Variants in PHLDB2 observed in about 807,000 individuals in gnomAD.
The protein encoded by PHLDB2 is pleckstrin homology-like domain family B member 2.
PHLDB2 carries 71 observed loss-of-function variants against 123.6 expected under a neutral mutation model. The ratio of observed to expected loss-of-function variants is 0.57; its 90% CI spans 0.47 to 0.70. PHLDB2 has a LOEUF of 0.70. Among genes scored for constraint, PHLDB2 ranks in the 30% least tolerant of loss-of-function variants. PHLDB2 has a pLI of 0.00. For missense variants in PHLDB2, 1,446 were observed against 1,519.5 expected (o/e 0.95, Z 0.80); for synonymous variants, 547 against 541.6 (o/e 1.01, Z -0.14).
chr3:111,966,524 T>TGG (rs766446456), intron 13 of PHLDB2, 89 bp from the exon 14 acceptor site: 51,399 of 497,180 alleles, frequency 0.1, 1,735 homozygotes, highest in South Asian at 0.22. Flanking sequence ...TGTGTGTGTC[T>TGG]GGGGTGTGTG....
At chr3:111,828,615 C>A (rs768632186) in intron 1 of PHLDB2, among the ~76,000 whole-genome samples, 44 of 152,118 alleles carry the variant, frequency 2.9e-4, no homozygotes, top group Non-Finnish European at 5.6e-4. Flanking sequence ...CACAGGGAGA[C>A]CCTGTCTCTA....
chr3:111,812,238 TG>T (rs1171187064), intron 1 of PHLDB2, among the ~76,000 whole-genome samples: 1 of 152,228 alleles, frequency 6.6e-6, no homozygotes, highest in Non-Finnish European at 1.5e-5. Context: ...GCCATCTTTC[TG>T]TGATCACCAT....
intron 1 of PHLDB2, among the ~76,000 whole-genome samples, chr3:111,751,737 T>TGGTGCAGC (rs1475425524): frequency 1.3e-5 from 2 of 151,622 alleles, no homozygotes; most frequent in African/African-American, 2.4e-5. Context: ...TACCTAATGC[T>TGGTGCAGC]AAATGACGAG....
intron 1 of PHLDB2, among the ~76,000 whole-genome samples, chr3:111,759,788 G>A (rs1035387805): frequency 4.6e-5 from 7 of 152,202 alleles, no homozygotes; most frequent in African/African-American, 1.7e-4. Context: ...CAGCTTACAA[G>A]AGATGACGTC....
intron 9 of PHLDB2, among the ~76,000 whole-genome samples, chr3:111,946,264 T>C (rs909015233): frequency 6.6e-6 from 1 of 152,190 alleles, no homozygotes; most frequent in Non-Finnish European, 1.5e-5. Flanking sequence ...TCAGGTGATC[T>C]GCCTGCCTTG....
intron 16 of PHLDB2, among the ~76,000 whole-genome samples, chr3:111,971,950 T>C (rs1258979222): frequency 6.6e-6 from 1 of 152,224 alleles, no homozygotes; most frequent in Non-Finnish European, 1.5e-5. Context: ...GGCATAATAC[T>C]GAGAGAGACA....
chr3:111,903,137 G>A (rs1409460459), intron 2 of PHLDB2, among the ~76,000 whole-genome samples: 3 of 152,178 alleles, frequency 2.0e-5, no homozygotes, highest in Non-Finnish European at 2.9e-5. Flanking sequence ...GAGTAAGGCA[G>A]GATATGAGAA....
intron 1 of PHLDB2, among the ~76,000 whole-genome samples, chr3:111,757,477 A>C (rs2059914309): frequency 6.6e-6 from 1 of 152,116 alleles, no homozygotes; most frequent in Non-Finnish European, 1.5e-5. Context: ...CATTTGTCTA[A>C]ATTTTTTTCA....
At chr3:111,789,320 T>C (rs1296665204) in intron 1 of PHLDB2, among the ~76,000 whole-genome samples, 1 of 152,234 alleles carries the variant, frequency 6.6e-6, no homozygotes, top group Non-Finnish European at 1.5e-5. Context: ...ATATGCTCTC[T>C]ATGGGAACTA....
intron 1 of PHLDB2, among the ~76,000 whole-genome samples, chr3:111,796,945 T>C (rs2061185043): frequency 6.6e-6 from 1 of 152,236 alleles, no homozygotes; most frequent in Admixed American, 6.5e-5. Flanking sequence ...TCCCTATTGC[T>C]CTTCTCTAGG....
intron 1 of PHLDB2, among the ~76,000 whole-genome samples, chr3:111,825,603 A>G (rs1239653856): frequency 6.6e-6 from 1 of 152,172 alleles, no homozygotes; most frequent in East Asian, 1.9e-4. Context: ...GTGCACCACC[A>G]TGTCTGGCTA....
intron 16 of PHLDB2, among the ~76,000 whole-genome samples, chr3:111,970,653 T>C (rs1009902875): frequency 3.3e-5 from 5 of 152,214 alleles, no homozygotes; most frequent in African/African-American, 7.2e-5. Flanking sequence ...GGCATACTTA[T>C]TAAGAACCTC....
chr3:111,762,507 T>G (rs2060012143), intron 1 of PHLDB2, among the ~76,000 whole-genome samples: 1 of 152,214 alleles, frequency 6.6e-6, no homozygotes, highest in African/African-American at 2.4e-5. Flanking sequence ...TCTGAAGTTA[T>G]GCCTTGTGAT....
At chr3:111,900,041 C>T (rs2107439410) in intron 2 of PHLDB2, among the ~76,000 whole-genome samples, 1 of 152,328 alleles carries the variant, frequency 6.6e-6, no homozygotes, top group Middle Eastern at 3.4e-3. Context: ...TTCCTTAAAC[C>T]TCATGACCCA....
intron 1 of PHLDB2, among the ~76,000 whole-genome samples, chr3:111,734,938 G>A (rs1420118982): frequency 1.3e-5 from 2 of 152,198 alleles, no homozygotes; most frequent in South Asian, 2.1e-4. Flanking sequence ...TTCCAAAAAG[G>A]ATAAAACAGG....
chr3:111,779,530 G>A (rs1232586602), intron 1 of PHLDB2, among the ~76,000 whole-genome samples: 1 of 151,966 alleles, frequency 6.6e-6, no homozygotes, highest in Non-Finnish European at 1.5e-5. Context: ...TGTTTCTCCT[G>A]TTCTCTTAGG....
intron 13 of PHLDB2, among the ~76,000 whole-genome samples, chr3:111,964,244 G>A (rs2071602801): frequency 2.0e-5 from 3 of 152,012 alleles, no homozygotes; most frequent in Admixed American, 6.6e-5. Flanking sequence ...TTACCATCCT[G>A]CAATAGTGCT....
chr3:111,963,852 T>A (rs1433972589), intron 13 of PHLDB2, among the ~76,000 whole-genome samples: 1 of 152,232 alleles, frequency 6.6e-6, no homozygotes, highest in African/African-American at 2.4e-5. Flanking sequence ...AATTTCCAAT[T>A]AAGGATGCTT....
chr3:111,791,107 T>C (rs780763360), intron 1 of PHLDB2, among the ~76,000 whole-genome samples: 10 of 152,240 alleles, frequency 6.6e-5, no homozygotes, highest in Non-Finnish European at 1.5e-4. Flanking sequence ...TTTAGATAGC[T>C]TCCAGATTTT....
Sources: allele counts gnomAD v4.1 joint callset (sites outside exome capture counted in the v4.1 genomes callset), GRCh38; gene constraint gnomAD v4.1.1; transcripts MANE v1.5; gene names NCBI Gene and HGNC (gene_info 2026-07-23, HGNC 2026-07-21).